The following ARHGAP40 variants were observed in gnomAD, a reference collection of about 807,000 sequenced individuals.
ARHGAP40 encodes the protein rho GTPase-activating protein 40.
A neutral mutation model predicts 73.5 loss-of-function variants in ARHGAP40; 43 were observed. The ratio of observed to expected loss-of-function variants is 0.58; its 90% confidence interval spans 0.46 to 0.75. The LOEUF is 0.75. Ranked by LOEUF, ARHGAP40 falls within the 30% of genes least tolerant of loss-of-function variation. The probability of loss-of-function intolerance (pLI) is 0.00; values close to 1 mark genes in which losing one functional copy is unlikely to be tolerated. For synonymous variants in ARHGAP40, 300 were observed against 352.8 expected, an observed-to-expected ratio of 0.85 and a Z score of 1.68; for missense variants, 734 against 861.8, an observed-to-expected ratio of 0.85 and a Z score of 1.86.
intron 1 of ARHGAP40, among the ~76,000 whole-genome samples, chr20:38,607,198 C>T (rs1470139193): frequency 6.6e-6 from 1 of 152,184 alleles, no homozygotes; most frequent in East Asian, 1.9e-4. Flanking sequence ...GGACTCCTGA[C>T]TCCTTGGCAT....
At chr20:38,618,101 T>C (rs1047757831) in intron 1 of ARHGAP40, among the ~76,000 whole-genome samples, 10 of 129,646 alleles carry the variant, frequency 7.7e-5, no homozygotes, top group Admixed American at 1.5e-4. Context: ...ATTTCTTGAC[T>C]TTTTTTTTTT....
exon 15 of ARHGAP40, chr20:38,649,766 G>T: frequency 7.7e-7 from 1 of 1,305,032 alleles, no homozygotes; most frequent in Non-Finnish European, 1.0e-6. Flanking sequence ...GATGAGCATC[G>T]CCTGGACCCA....
chr20:38,635,134 C>T (rs1211716721), intron 6 of ARHGAP40, among the ~76,000 whole-genome samples: 1 of 152,198 alleles, frequency 6.6e-6, no homozygotes, highest in African/African-American at 2.4e-5. Flanking sequence ...CCTGCCTCAG[C>T]CTCCCAAAGT....
intron 1 of ARHGAP40, among the ~76,000 whole-genome samples, chr20:38,604,942 A>G (rs561085218): frequency 6.4e-4 from 92 of 144,708 alleles, no homozygotes; most frequent in Non-Finnish European, 8.1e-4. Flanking sequence ...ACTGCCAAAG[A>G]AAAAAAAAAA....
intron 3 of ARHGAP40, 95 bp downstream of exon 3, chr20:38,627,310 G>A (rs2088904190): frequency 8.9e-7 from 1 of 1,128,872 alleles, no homozygotes; most frequent in South Asian, 1.4e-5. Context: ...CTGAAGGGCT[G>A]TGTTGGTGTG....
intron 1 of ARHGAP40, among the ~76,000 whole-genome samples, chr20:38,604,955 C>T (rs1407918825): frequency 2.0e-5 from 3 of 150,160 alleles, no homozygotes; most frequent in East Asian, 1.9e-4. Context: ...AAAAAAAAAG[C>T]GAAAACTACT....
rs1451587242 is a variant in ARHGAP40 at position 38,602,372 on chromosome 20, A to C, written c.137+293A>C. 2.7e-5 allele frequency among the ~76,000 whole-genome samples: 4 copies of C among 148,610 alleles called. No individual in the cohort carries two copies. The East Asian group carries it at 8.1e-4, about 30-fold the overall frequency. On this transcript the variant is annotated intron_variant, in intron 1 of 14. Transcript: ENST00000373345. The stretch of plus-strand genomic sequence containing the variant: ...TTCAGATTCTTAGAGACCGTGAGTG[A>C]CGCCAGTATGTGCCATTTCCTCTTC...
chr20:38,642,588 C>T (rs1340521042), intron 10 of ARHGAP40, among the ~76,000 whole-genome samples: 1 of 151,928 alleles, frequency 6.6e-6, no homozygotes, highest in Admixed American at 6.6e-5. Flanking sequence ...CTCTCTCCCT[C>T]CCTCTCTCCC....
intron 14 of ARHGAP40, among the ~76,000 whole-genome samples, chr20:38,649,225 T>C (rs1236811372): frequency 1.3e-5 from 2 of 152,206 alleles, no homozygotes; most frequent in Non-Finnish European, 2.9e-5. Context: ...GGCCTAAGAA[T>C]GTGTGTTTCT....
At chr20:38,624,478 G>A (rs1039680564) in intron 2 of ARHGAP40, among the ~76,000 whole-genome samples, 1 of 152,104 alleles carries the variant, frequency 6.6e-6, no homozygotes, top group Admixed American at 6.5e-5. Context: ...AAGAATTTGG[G>A]GACGTGTAAT....
chr20:38,640,976 G>A (rs1024767354), intron 9 of ARHGAP40, among the ~76,000 whole-genome samples: 1 of 151,898 alleles, frequency 6.6e-6, no homozygotes, highest in Non-Finnish European at 1.5e-5. Flanking sequence ...CTGTGACTTT[G>A]TTTTCCTCCT....
chr20:38,630,238 GA>G (rs201476874), intron 5 of ARHGAP40, among the ~76,000 whole-genome samples: 1,382 of 87,752 alleles, frequency 0.016, 15 homozygotes, highest in African/African-American at 0.056. Flanking sequence ...TTTTTTCTTT[GA>G]GACAAGGTCT....
At chr20:38,626,353 C>T (rs1484679807) in intron 2 of ARHGAP40, among the ~76,000 whole-genome samples, 1 of 152,132 alleles carries the variant, frequency 6.6e-6, no homozygotes, top group Non-Finnish European at 1.5e-5. Context: ...GTCTGAAGAC[C>T]CTATTGCATT....
At chr20:38,638,276 C>T (rs563390127) in intron 7 of ARHGAP40, among the ~76,000 whole-genome samples, 5 of 152,146 alleles carry the variant, frequency 3.3e-5, no homozygotes, top group African/African-American at 7.2e-5. Context: ...GATCGCGCCA[C>T]TGCACCCCAG....
intron 11 of ARHGAP40, among the ~76,000 whole-genome samples, chr20:38,645,419 CAT>C (rs1446503820): frequency 6.6e-6 from 1 of 152,122 alleles, no homozygotes; most frequent in Non-Finnish European, 1.5e-5. Context: ...CTTCAGAAAA[CAT>C]AGATGTAGAA....
chr20:38,602,947 G>A (rs962647407), intron 1 of ARHGAP40, among the ~76,000 whole-genome samples: 1 of 152,302 alleles, frequency 6.6e-6, no homozygotes, highest in Admixed American at 6.5e-5. Flanking sequence ...AATTTTTAAC[G>A]ATTCTAAGCA....
chr20:38,623,829 A>G (rs1213566676), intron 2 of ARHGAP40, among the ~76,000 whole-genome samples: 1 of 152,180 alleles, frequency 6.6e-6, no homozygotes, highest in Non-Finnish European at 1.5e-5. Flanking sequence ...TTGAGTGCCT[A>G]TTATGTGCCA....
intron 9 of ARHGAP40, 67 bp downstream of exon 9, chr20:38,639,453 G>T: frequency 1.6e-6 from 2 of 1,269,726 alleles, no homozygotes; most frequent in Non-Finnish European, 2.1e-6. Context: ...TGGTGGAGAG[G>T]GGAAGCCATG....
Position 38,646,121 on chromosome 20 carries a change from AG to A in ARHGAP40, c.1646del (p.Gly549AlafsTer39). 1.5e-6 allele frequency: 2 copies of A among 1,304,218 alleles called. No homozygotes were observed. The highest frequency in any genetic ancestry group is 2.0e-6 in the Non-Finnish European group (2 of 988,880). The allele number at this position is 1,304,218 out of a possible 1,614,324, so 80.8% of individuals were successfully genotyped here. A position where few individuals can be genotyped will look rare whatever the true frequency, so the allele number is the denominator to read the frequency against. On this transcript the variant is annotated frameshift_variant, in exon 12 of 15. Coordinates refer to ENST00000373345, the Ensembl canonical transcript of ARHGAP40. LOFTEE classifies it high-confidence loss of function. The surrounding 1 kb of genome is among the most constrained non-coding windows in gnomAD (Gnocchi z 4.5). ...GCAGGCGCCCCCAGCTCTGCGACGC[AG>A]GCCTCAAGACTTGGCTGCGGAGGAT...
Sources: gnomAD v4.1 joint callset for allele counts (sites outside exome capture counted in the v4.1 genomes callset) on GRCh38, gnomAD v4.1.1 for gene constraint, Gnocchi (gnomAD v3.1) non-coding constraint, MANE v1.5 for transcripts, NCBI Gene and HGNC (gene_info 2026-07-23, HGNC 2026-07-21) for gene names.